The following ERC1 variants were observed in gnomAD, a reference collection of about 807,000 sequenced individuals.
ERC1 encodes the protein ELKS/RAB6-interacting/CAST family member 1, also known as RAB6 interacting protein 2.
Under a neutral mutation model 132.0 loss-of-function variants are expected in ERC1, and 56 were observed. The ratio of observed to expected loss-of-function variants is 0.42; its 90% CI spans 0.34 to 0.53. The LOEUF (loss-of-function observed/expected upper bound fraction) is 0.53. Among genes scored for constraint, ERC1 ranks in the 20% least tolerant of loss-of-function variants. ERC1 has a pLI of 0.03. For missense variants in ERC1, 1,202 were observed against 1,349.9 expected, an observed-to-expected ratio of 0.89 and a Z score of 1.72; for synonymous variants, 478 against 476.1, an observed-to-expected ratio of 1.00 and a Z score of -0.05.
In ERC1 at chr12:1,221,454, A is replaced by G. The variant is rs183258675; in HGVS notation, c.2352-15315A>G. The stretch of plus-strand genomic sequence containing the variant: ...TTATCCTGCAGTTTCCTTGCTGATT[A>G]AAAAAATGTTGAATTGATCATTTAA... On this transcript the variant is annotated intron_variant, in intron 12 of 18. Coordinates refer to ENST00000360905, the MANE Select transcript of ERC1 (RefSeq NM_178040.4). 3.9e-5 allele frequency among the ~76,000 whole-genome samples: 6 copies of G among 152,272 alleles called. No homozygotes were observed. In the East Asian group the frequency reaches 1.2e-3, roughly 29 times the overall value.
chr12:1,040,938 T>TG (rs1029469480), intron 2 of ERC1, among the ~76,000 whole-genome samples: 4 of 152,160 alleles, frequency 2.6e-5, no homozygotes, highest in Non-Finnish European at 5.9e-5. Context: ...CTGAGATAAC[T>TG]GCTCTGATCT....
chr12:1,080,102 CCAA>C (rs1315836492), intron 2 of ERC1, among the ~76,000 whole-genome samples: 1 of 152,148 alleles, frequency 6.6e-6, no homozygotes, highest in African/African-American at 2.4e-5. Flanking sequence ...AATTTTATGA[CCAA>C]CATCTTCTCT....
chr12:1,426,124 A>G (rs1190147416), intron 17 of ERC1, among the ~76,000 whole-genome samples: 1 of 136,296 alleles, frequency 7.3e-6, no homozygotes, highest in Non-Finnish European at 1.5e-5. Context: ...TTTTTTTGAG[A>G]TGGAGCTTCG....
At chr12:1,484,299 G>C (rs909200715) in intron 18 of ERC1, among the ~76,000 whole-genome samples, 4 of 149,122 alleles carry the variant, frequency 2.7e-5, no homozygotes, top group Admixed American at 2.6e-4. Context: ...GCGAGACTCC[G>C]TCTCAAAAAA....
chr12:1,368,436 A>C (rs2154373304), intron 15 of ERC1, among the ~76,000 whole-genome samples: 1 of 152,284 alleles, frequency 6.6e-6, no homozygotes, highest in South Asian at 2.1e-4. Context: ...ATTAAAATAA[A>C]ATTTTTTCAA....
intron 18 of ERC1, among the ~76,000 whole-genome samples, chr12:1,448,621 T>C (rs2093359182): frequency 6.6e-6 from 1 of 152,248 alleles, no homozygotes. Context: ...TGCAGAGCCT[T>C]CTGCTCCTGA....
At chr12:1,043,525 A>G (rs1231443305) in intron 2 of ERC1, among the ~76,000 whole-genome samples, 1 of 152,164 alleles carries the variant, frequency 6.6e-6, no homozygotes, top group Admixed American at 6.5e-5. Context: ...CTGGGGGCAG[A>G]AGGTGTTTCT....
At chr12:1,199,499 G>A (rs960613555) in intron 12 of ERC1, among the ~76,000 whole-genome samples, 6 of 152,106 alleles carry the variant, frequency 3.9e-5, no homozygotes, top group Middle Eastern at 3.2e-3. Context: ...GGCCAGGCAC[G>A]GTGGTTCACG....
intron 15 of ERC1, among the ~76,000 whole-genome samples, chr12:1,311,592 T>A (rs1241728748): frequency 6.7e-6 from 1 of 150,014 alleles, no homozygotes; most frequent in Non-Finnish European, 1.5e-5. Context: ...TGAAACAGTC[T>A]TTTTTTTCTA....
At chr12:1,146,806 A>G (rs1402979939) in intron 8 of ERC1, among the ~76,000 whole-genome samples, 1 of 132,816 alleles carries the variant, frequency 7.5e-6, no homozygotes, top group African/African-American at 3.2e-5. Flanking sequence ...CCGGAGTGTG[A>G]TGTTCCCCTT....
intron 1 of ERC1, among the ~76,000 whole-genome samples, chr12:1,013,312 GTATC>G (rs1188735646): frequency 6.6e-6 from 1 of 151,998 alleles, no homozygotes; most frequent in Non-Finnish European, 1.5e-5. Flanking sequence ...TTATTTCTAA[GTATC>G]TAGCTTGACA....
At chr12:1,246,371 A>G (rs992887416) in intron 13 of ERC1, among the ~76,000 whole-genome samples, 4 of 152,234 alleles carry the variant, frequency 2.6e-5, no homozygotes, top group Non-Finnish European at 4.4e-5. Context: ...TGAATGAAAT[A>G]CATATCCATG....
chr12:1,404,949 G>A (rs1243263071), intron 16 of ERC1, among the ~76,000 whole-genome samples: 2 of 151,904 alleles, frequency 1.3e-5, no homozygotes, highest in East Asian at 3.9e-4. Flanking sequence ...GACCAGCCAG[G>A]CCAGCATAGC....
chr12:1,418,611 CTTTCTTTCTTTCTTTCTT>C (rs2092258534), intron 17 of ERC1, among the ~76,000 whole-genome samples: 1 of 105,462 alleles, frequency 9.5e-6, no homozygotes, highest in African/African-American at 6.2e-5. Flanking sequence ...TTCTTTCTTT[CTTTCTTTCTTTCTTTCTT>C]TCTTTCTTTC....
intron 2 of ERC1, among the ~76,000 whole-genome samples, chr12:1,065,810 T>C (rs189056338): frequency 3.4e-4 from 51 of 152,224 alleles, no homozygotes; most frequent in African/African-American, 1.1e-3. Context: ...GCTTTGGCCG[T>C]ACAATAGAGT....
At chr12:1,438,049 A>AC (rs35419556) in intron 17 of ERC1, among the ~76,000 whole-genome samples, 34,025 of 152,094 alleles carry the variant, frequency 0.22, 7,773 homozygotes, top group African/African-American at 0.59. Context: ...CATCTCAGTG[A>AC]CTAGTGGTCC....
chr12:1,197,946 T>A (rs1461016716), intron 12 of ERC1, among the ~76,000 whole-genome samples: 1 of 152,082 alleles, frequency 6.6e-6, no homozygotes, highest in Middle Eastern at 3.4e-3. Context: ...CTTTTTTTTT[T>A]TGAGGCAGGG....
chr12:1,452,036 A>G (rs1264948291), intron 18 of ERC1, among the ~76,000 whole-genome samples: 2 of 152,180 alleles, frequency 1.3e-5, no homozygotes, highest in African/African-American at 2.4e-5. Context: ...AAACCTGCTA[A>G]TACTTTGATG....
chr12:1,083,979 T>A (rs1431002343), intron 3 of ERC1, among the ~76,000 whole-genome samples: 1 of 152,224 alleles, frequency 6.6e-6, no homozygotes, highest in East Asian at 1.9e-4. Context: ...TAAGCGGTTA[T>A]CTCAGCTTAT....
Sources: allele counts gnomAD v4.1 joint callset (sites outside exome capture counted in the v4.1 genomes callset), GRCh38; gene constraint gnomAD v4.1.1; transcripts MANE v1.5; gene names NCBI Gene and HGNC (gene_info 2026-07-23, HGNC 2026-07-21).